RAP1GAP2: variants seen among roughly 807,000 people sequenced by gnomAD.
The protein encoded by RAP1GAP2 is rap1 GTPase-activating protein 2.
In RAP1GAP2, 27 loss-of-function variants were observed where a neutral mutation model predicts 95.0. The ratio of observed to expected loss-of-function variants is 0.28; its 90% CI spans 0.21 to 0.39. The LOEUF (loss-of-function observed/expected upper bound fraction) is 0.39, where lower values mean the gene tolerates loss of function less well. RAP1GAP2 is among the 10% of genes least tolerant of loss of function. The probability of loss-of-function intolerance (pLI) is 1.00; values close to 1 mark genes in which losing one functional copy is unlikely to be tolerated. For missense variants in RAP1GAP2, 771 were observed against 970.0 expected, an observed-to-expected ratio of 0.79 and a Z score of 2.72; for synonymous variants, 373 against 380.9, an observed-to-expected ratio of 0.98 and a Z score of 0.24.
chr17:2,860,956 A>G (rs1597456500), intron 2 of RAP1GAP2, among the ~76,000 whole-genome samples: 1 of 151,050 alleles, frequency 6.6e-6, no homozygotes, highest in East Asian at 2.0e-4. Context: ...TCCGGCCCAC[A>G]CCCCCTGCCT....
chr17:2,847,545 T>C (rs1166730973), intron 2 of RAP1GAP2, among the ~76,000 whole-genome samples: 1 of 152,166 alleles, frequency 6.6e-6, no homozygotes, highest in Non-Finnish European at 1.5e-5. Context: ...AAGAAACCAC[T>C]CTGTTCTCTG....
intron 1 of RAP1GAP2, among the ~76,000 whole-genome samples, chr17:2,782,645 A>ACTC (rs1341964109): frequency 6.6e-6 from 1 of 152,062 alleles, no homozygotes; most frequent in East Asian, 1.9e-4. Flanking sequence ...TGGACTACAC[A>ACTC]CTGTACATGT....
At chr17:2,847,071 C>T (rs1467562483) in intron 2 of RAP1GAP2, among the ~76,000 whole-genome samples, 1 of 152,202 alleles carries the variant, frequency 6.6e-6, no homozygotes, top group African/African-American at 2.4e-5. Context: ...TGCAGTGGCG[C>T]GATCTCGGCT....
At chr17:2,922,826 G>C (rs538676360) in intron 3 of RAP1GAP2, among the ~76,000 whole-genome samples, 1 of 93,726 alleles carries the variant, frequency 1.1e-5, no homozygotes, top group Non-Finnish European at 1.9e-5. Flanking sequence ...TTTTCTTTTT[G>C]TTTTTGTTTT....
rs768061832 is a variant in RAP1GAP2 at position 2,998,209 on chromosome 17, CTT to C, written c.1045-8_1045-7del. ...CTAACTGGCTTATAACCTCTCAACA[CTT>C]TTTATTTAGCTCCAGAGAAAGAGAC... On this transcript the variant is annotated splice_polypyrimidine_tract_variant and intron_variant, in intron 13 of 24. Transcript: ENST00000254695. 20 of 1,612,816 alleles carry C rather than the reference CTT, an allele frequency of 1.2e-5. No homozygotes were observed. Among genetic ancestry groups the C allele is most frequent in the Non-Finnish European group, 1.7e-5 (20 of 1,178,910 alleles).
At chr17:2,991,504 A>T (rs1271521925) in intron 12 of RAP1GAP2, 107 bp downstream of exon 12, 46 of 821,310 alleles carry the variant, frequency 5.6e-5, no homozygotes, top group Non-Finnish European at 2.0e-6. Context: ...AACACACAAG[A>T]AATGAGGGAT....
At chr17:2,766,845 A>G (rs73976582) in intron 1 of RAP1GAP2, among the ~76,000 whole-genome samples, 1,777 of 152,144 alleles carry the variant, frequency 0.012, 31 homozygotes, top group African/African-American at 0.04. Context: ...AGCAGCCCCA[A>G]CTGTCTAACA....
intron 2 of RAP1GAP2, among the ~76,000 whole-genome samples, chr17:2,894,777 C>T (rs937602210): frequency 8.5e-5 from 13 of 152,170 alleles, no homozygotes; most frequent in African/African-American, 2.4e-4. Flanking sequence ...ATTTTGCTCC[C>T]GAAATGCCTT....
chr17:2,965,648 G>A lies in RAP1GAP2; in HGVS notation c.596+5G>A. On this transcript the variant is annotated splice_donor_5th_base_variant and intron_variant, in intron 8 of 24. Coordinates refer to ENST00000254695, the MANE Select transcript of RAP1GAP2 (RefSeq NM_015085.5). The surrounding 1 kb of genome is among the most constrained non-coding windows in gnomAD (Gnocchi z 4.7). Reference sequence around the variant, plus strand: ...GTACCTCCGGGTCATCCTTAGGTAGGGCTGTTGCGCTGCTTGAGGCCACTT... The same window carrying A: ...GTACCTCCGGGTCATCCTTAGGTAGAGCTGTTGCGCTGCTTGAGGCCACTT... 6.3e-7 allele frequency: 1 copy of A among 1,587,928 alleles called. No homozygotes were observed. Among genetic ancestry groups the A allele is most frequent in the African/African-American group, 1.3e-5 (1 of 74,526 alleles).
In RAP1GAP2 at chr17:3,036,961, C is replaced by CCGGTA; in HGVS notation, c.*3601_*3602insGGTAC. The CCGGTA allele has an allele frequency of 6.5e-6, 1 of 152,806 alleles. No individual in the cohort carries two copies. The highest frequency in any genetic ancestry group is 2.4e-5 in the African/African-American group (1 of 41,436). 9.5% of individuals were successfully genotyped at this position (152,806 alleles called of 1,614,324 possible). ...CATGGGTACAGGAGGCCAGCAGGGA[C>CCGGTA]CAGGCCAGTCAGCCATGCTCAGGAC... On this transcript the variant is annotated 3_prime_UTR_variant, in exon 25 of 25. Transcript: ENST00000254695.
Position 3,008,306 on chromosome 17 carries a change from G to A in RAP1GAP2, c.1494+161G>A, listed in dbSNP as rs923653538. On this transcript the variant is annotated intron_variant, in intron 17 of 24. Coordinates refer to ENST00000254695, the MANE Select transcript of RAP1GAP2 (RefSeq NM_015085.5). The surrounding 1 kb of genome is among the most constrained non-coding windows in gnomAD (Gnocchi z 4.2). ...CTAGGTGTTTGCAAAGGGCAGGGCC[G>A]TTAGGAAGTGTGTGAGGCTGGAGCA... is the stretch of plus-strand genomic sequence containing the variant. 6.6e-6 allele frequency among the ~76,000 whole-genome samples: 1 copy of A among 152,194 alleles called. No individual in the cohort carries two copies. Among genetic ancestry groups the A allele is most frequent in the Non-Finnish European group, 1.5e-5 (1 of 68,042 alleles).
rs2072908905 is a variant in RAP1GAP2 at position 2,872,950 on chromosome 17, A to G, written c.81-32334A>G. On this transcript the variant is annotated intron_variant, in intron 2 of 24. Transcript: ENST00000254695. Reference sequence around the variant, plus strand: ...AAAGTGGGACTCTAGTAAAAATACAAAAATTAGCTGGGTGCGGTGGTGGGT... The same window carrying G: ...AAAGTGGGACTCTAGTAAAAATACAGAAATTAGCTGGGTGCGGTGGTGGGT... Among the ~76,000 whole-genome samples, 2 of 151,952 alleles carry G rather than the reference A, an allele frequency of 1.3e-5. 1 individual carries two copies. The highest frequency in any genetic ancestry group is 4.2e-4 in the South Asian group (2 of 4,808).
At chr17:2,950,263 G>A (rs2043870615) in intron 3 of RAP1GAP2, among the ~76,000 whole-genome samples, 1 of 151,984 alleles carries the variant, frequency 6.6e-6, no homozygotes, top group South Asian at 2.1e-4. Flanking sequence ...TGTTGGCCAG[G>A]CTGGTCTCAA....
chr17:2,833,689 CAAAAAAAAAAAAA>C (rs112909808), intron 2 of RAP1GAP2, among the ~76,000 whole-genome samples: 2 of 53,694 alleles, frequency 3.7e-5, no homozygotes, highest in Non-Finnish European at 7.9e-5. Context: ...GACTCCGTCT[CAAAAAAAAAAAAA>C]AAAAAAAAAG....
intron 2 of RAP1GAP2, among the ~76,000 whole-genome samples, chr17:2,806,373 C>CTTT (rs1056137215): frequency 1.5e-4 from 12 of 79,226 alleles, no homozygotes; most frequent in African/African-American, 4.5e-4. Context: ...CTGCTACAAC[C>CTTT]TTTTTATTAT....
In RAP1GAP2 at chr17:3,005,987, G is replaced by A. The variant is rs1890458313; in HGVS notation, c.1305G>A (p.Lys435=). ...GPEFREFLLT[K]LTNAENACCK... ...AATTCAGGGAGTTTCTGCTCACCAAGCTCACCAATGCCGAGAACGCCTGCT... is the reference window on the plus strand; with the variant it reads ...AATTCAGGGAGTTTCTGCTCACCAAACTCACCAATGCCGAGAACGCCTGCT... Residue 435 remains lysine (K), a synonymous_variant, in exon 16 of 25, where the codon AAG becomes AAA. Transcript: ENST00000254695. The surrounding 1 kb of genome is among the most constrained non-coding windows in gnomAD (Gnocchi z 5.2). 1.9e-6 allele frequency: 3 copies of A among 1,613,922 alleles called. No homozygotes were observed. The highest frequency in any genetic ancestry group is 2.5e-6 in the Non-Finnish European group (3 of 1,179,890).
intron 2 of RAP1GAP2, chr17:2,853,900 G>A: frequency 1.3e-5 from 13 of 978,294 alleles, no homozygotes; most frequent in Non-Finnish European, 1.6e-5. Context: ...GAGGCCGGGG[G>A]CCGGGGCGCG....
intron 3 of RAP1GAP2, among the ~76,000 whole-genome samples, chr17:2,917,965 C>G (rs2042623939): frequency 6.6e-6 from 1 of 152,116 alleles, no homozygotes; most frequent in African/African-American, 2.4e-5. Flanking sequence ...ATCCACCTGC[C>G]TCGGCCTCCG....
intron 3 of RAP1GAP2, among the ~76,000 whole-genome samples, chr17:2,918,595 G>A (rs1430978033): frequency 1.3e-5 from 2 of 152,052 alleles, no homozygotes; most frequent in African/African-American, 2.4e-5. Flanking sequence ...GGGCCAGAGC[G>A]GGAGCAAGAG....
Sources: allele counts gnomAD v4.1 joint callset (sites outside exome capture counted in the v4.1 genomes callset), GRCh38; gene constraint gnomAD v4.1.1; non-coding constraint Gnocchi (gnomAD v3.1); transcripts MANE v1.5; gene names NCBI Gene and HGNC (gene_info 2026-07-23, HGNC 2026-07-21).